Variants in ADAM19 observed in about 807,000 individuals in gnomAD.
The protein encoded by ADAM19 is disintegrin and metalloproteinase domain-containing protein 19.
ADAM19 carries 65 observed loss-of-function variants against 114.7 expected under a neutral mutation model. The observed-to-expected ratio is 0.57, with a 90% CI of 0.46 to 0.70. ADAM19 has a LOEUF of 0.70. Among genes scored for constraint, ADAM19 ranks in the 30% least tolerant of loss-of-function variants. The pLI, the probability that ADAM19 is intolerant of heterozygous loss-of-function variation, is 0.00. For missense variants in ADAM19, 1,063 were observed against 1,204.7 expected, an observed-to-expected ratio of 0.88 and a Z score of 1.74; for synonymous variants, 466 against 460.5, an observed-to-expected ratio of 1.01 and a Z score of -0.15.
intron 18 of ADAM19, among the ~76,000 whole-genome samples, chr5:157,490,665 C>A (rs2113696387): frequency 6.6e-6 from 1 of 152,184 alleles, no homozygotes; most frequent in East Asian, 1.9e-4. Context: ...AGGCCGCGGT[C>A]AGCAGATCAC....
chr5:157,478,094 TA>T lies in ADAM19; in HGVS notation c.*2854del, dbSNP rs376779638. 12 of 155,912 alleles carry T rather than the reference TA, an allele frequency of 7.7e-5. No homozygotes were observed. Among genetic ancestry groups the T allele is most frequent in the Admixed American group, 3.8e-4 (6 of 15,906 alleles). The allele number at this position is 155,912 out of a possible 1,614,324, so 9.7% of individuals were successfully genotyped here. On this transcript the variant is annotated 3_prime_UTR_variant, in exon 23 of 23. Transcript: ENST00000257527. ...GTTTTAGAGATGGCTCCAAGGCCCTTAAAAAAAAATTCTTGGGTTGTAAAAT... is the reference window on the plus strand; with the variant it reads ...GTTTTAGAGATGGCTCCAAGGCCCTTAAAAAAAATTCTTGGGTTGTAAAAT...
intron 5 of ADAM19, among the ~76,000 whole-genome samples, chr5:157,523,842 A>G (rs901894917): frequency 1.3e-5 from 2 of 152,138 alleles, no homozygotes; most frequent in Non-Finnish European, 2.9e-5. Flanking sequence ...CCTACAGACC[A>G]CCCTCTGTAG....
chr5:157,537,597 A>G lies in ADAM19; in HGVS notation c.330+316T>C, dbSNP rs749099708. 7.1e-4 allele frequency among the ~76,000 whole-genome samples: 108 copies of G among 152,264 alleles called. 2 individuals are homozygous for G. Among genetic ancestry groups the G allele is most frequent in the Non-Finnish European group, 6.0e-4 (41 of 68,046 alleles). On this transcript the variant is annotated intron_variant, in intron 4 of 22. Coordinates refer to ENST00000257527, the MANE Select transcript of ADAM19 (RefSeq NM_033274.5). ...TTATGAGTAAGTCACTCCTTTTACTAAAACTTTTGTTAACATGTGGGTAAT... is the reference window on the plus strand; with the variant it reads ...TTATGAGTAAGTCACTCCTTTTACTGAAACTTTTGTTAACATGTGGGTAAT...
intron 3 of ADAM19, among the ~76,000 whole-genome samples, chr5:157,550,337 G>A (rs895934159): frequency 6.6e-6 from 1 of 152,160 alleles, no homozygotes; most frequent in Non-Finnish European, 1.5e-5. Flanking sequence ...CCCAGAGTGT[G>A]TGTCTGTTTC....
chr5:157,489,372 G>A (rs899217821), intron 19 of ADAM19, among the ~76,000 whole-genome samples, 186 bp from the exon 20 acceptor site: 1 of 152,166 alleles, frequency 6.6e-6, no homozygotes, highest in Non-Finnish European at 1.5e-5. Context: ...GGCCAATGGA[G>A]AACTCTCAAG....
intron 14 of ADAM19, 148 bp from the exon 15 acceptor site, chr5:157,494,943 C>T: frequency 1.7e-6 from 1 of 591,754 alleles, no homozygotes; most frequent in Non-Finnish European, 3.0e-6. Flanking sequence ...GTTACTCCAT[C>T]CCCATATTCT....
intron 12 of ADAM19, 81 bp from the exon 13 acceptor site, chr5:157,499,743 C>T: frequency 1.1e-6 from 1 of 904,894 alleles, no homozygotes; most frequent in Non-Finnish European, 1.7e-6. Flanking sequence ...CCCACACACC[C>T]CTGGAACCCC....
intron 5 of ADAM19, among the ~76,000 whole-genome samples, chr5:157,522,227 C>T (rs1464064507): frequency 6.6e-6 from 1 of 152,210 alleles, no homozygotes; most frequent in African/African-American, 2.4e-5. Context: ...AAAACAAAGG[C>T]TCAGCAAGGT....
intron 7 of ADAM19, 100 bp downstream of exon 7, chr5:157,518,723 G>C: frequency 9.9e-7 from 1 of 1,007,580 alleles, no homozygotes. Flanking sequence ...ATGAACTGGA[G>C]AAAGATGAAT....
intron 3 of ADAM19, among the ~76,000 whole-genome samples, chr5:157,557,552 T>C (rs1757400817): frequency 6.6e-6 from 1 of 152,224 alleles, no homozygotes; most frequent in Non-Finnish European, 1.5e-5. Flanking sequence ...TTAGAAATAA[T>C]GGCATCTTAG....
intron 4 of ADAM19, among the ~76,000 whole-genome samples, chr5:157,534,442 T>C (rs2113759839): frequency 6.6e-6 from 1 of 152,316 alleles, no homozygotes; most frequent in Admixed American, 6.5e-5. Context: ...CACTCCAGTG[T>C]GGGCAACAGA....
Position 157,491,840 on chromosome 5 carries a change from G to T in ADAM19, c.1981C>A (p.His661Asn). 1 of 1,614,198 alleles carries T rather than the reference G, an allele frequency of 6.2e-7. No individual in the cohort carries two copies. The highest frequency in any genetic ancestry group is 8.5e-7 in the Non-Finnish European group (1 of 1,180,024). ...TEGCGKKCNG[H>N]GVCNNNQNCH... ...AGCCAGAACCCAGCACGCACCCCATGGCCATTGCACTTCTTCCCACAGCCT... is the reference window on the plus strand; with the variant it reads ...AGCCAGAACCCAGCACGCACCCCATTGCCATTGCACTTCTTCCCACAGCCT... Residue 661 changes from histidine (H) to asparagine (N), a missense_variant, in exon 17 of 23, where the codon CAT becomes AAT. His to Asn is a moderately conservative substitution (Grantham distance 68, BLOSUM62 1). Around this residue, in one of 3 missense-constraint regions of ADAM19, gnomAD observed 424 missense variants for 445.5 expected, o/e 0.95. Transcript: ENST00000257527.
chr5:157,484,452 A>G (rs1344358345), intron 21 of ADAM19, among the ~76,000 whole-genome samples: 2 of 152,130 alleles, frequency 1.3e-5, no homozygotes, highest in African/African-American at 4.8e-5. Context: ...CAGGCCCCCA[A>G]GCTGTTGGGG....
At chr5:157,484,198 C>A (rs1000301990) in intron 21 of ADAM19, among the ~76,000 whole-genome samples, 1 of 152,054 alleles carries the variant, frequency 6.6e-6, no homozygotes, top group Admixed American at 6.5e-5. Context: ...TCCTAATATA[C>A]CTCTTCTTTT....
Position 157,569,876 on chromosome 5 carries a change from A to G in ADAM19, c.180+1019T>C, listed in dbSNP as rs371429238. The stretch of plus-strand genomic sequence containing the variant: ...ATTTTATAAATGAAGAAAATCTACC[A>G]CTTCGCAAGTGGCAGGTCACATAGC... On this transcript the variant is annotated intron_variant, in intron 2 of 22. Transcript: ENST00000257527. 4.3e-4 allele frequency among the ~76,000 whole-genome samples: 66 copies of G among 152,264 alleles called. No individual in the cohort carries two copies. The East Asian group carries it at 8.3e-3, about 19-fold the overall frequency.
chr5:157,560,208 T>C (rs892418811), intron 3 of ADAM19, among the ~76,000 whole-genome samples: 5 of 129,316 alleles, frequency 3.9e-5, no homozygotes, highest in African/African-American at 1.5e-4. Flanking sequence ...GAGCTTGCAG[T>C]GAGCCGAGAT....
intron 8 of ADAM19, among the ~76,000 whole-genome samples, chr5:157,511,543 A>AATTTTG (rs1428272152): frequency 6.6e-6 from 1 of 152,242 alleles, no homozygotes; most frequent in African/African-American, 2.4e-5. Context: ...TTTCAACAGA[A>AATTTTG]ATTTTGATTT....
chr5:157,559,207 T>C (rs1025106950), intron 3 of ADAM19, among the ~76,000 whole-genome samples: 3 of 152,176 alleles, frequency 2.0e-5, no homozygotes, highest in African/African-American at 7.2e-5. Flanking sequence ...CTTGAGCAAA[T>C]AAGATCTCTC....
chr5:157,563,481 T>C (rs1757566979), intron 3 of ADAM19, among the ~76,000 whole-genome samples: 1 of 152,210 alleles, frequency 6.6e-6, no homozygotes, highest in African/African-American at 2.4e-5. Flanking sequence ...TCCTTCTTCA[T>C]CCTTTTCTTG....
Sources: allele counts gnomAD v4.1 joint callset (sites outside exome capture counted in the v4.1 genomes callset), GRCh38; gene constraint gnomAD v4.1.1; regional missense constraint gnomAD v4.1.1; transcripts MANE v1.5; gene names NCBI Gene and HGNC (gene_info 2026-07-23, HGNC 2026-07-21).